HKDC1: variants seen among roughly 807,000 people sequenced by gnomAD.
HKDC1 encodes the protein hexokinase HKDC1.
HKDC1 carries 66 observed loss-of-function variants against 96.6 expected under a neutral mutation model. The observed-to-expected ratio is 0.68, with a 90% CI of 0.56 to 0.84. The LOEUF is 0.84. Ranked by LOEUF, HKDC1 falls within the 40% of genes least tolerant of loss-of-function variation. The pLI is 0.00. For synonymous variants in HKDC1, 466 were observed against 473.1 expected (o/e 0.98, Z 0.20); for missense variants, 1,211 against 1,208.1 (o/e 1.00, Z -0.04).
At chr10:69,228,280 T>C (rs7923953) in intron 2 of HKDC1, among the ~76,000 whole-genome samples, 48,459 of 152,024 alleles carry the variant, frequency 0.32, 8,028 homozygotes, top group African/African-American at 0.35. Context: ...TTCTGCCTCC[T>C]TTCAACATTT....
intron 16 of HKDC1, chr10:69,261,989 G>C (rs1434841023): frequency 2.9e-6 from 1 of 350,526 alleles, no homozygotes; most frequent in Non-Finnish European, 5.8e-6. Flanking sequence ...ATTAGATTCA[G>C]TAGTGAATTC....
intron 4 of HKDC1, 120 bp downstream of exon 4, chr10:69,233,253 T>C (rs1843302027): frequency 7.2e-7 from 1 of 1,398,266 alleles, no homozygotes; most frequent in African/African-American, 1.4e-5. Flanking sequence ...CTTTTTCTTT[T>C]CTTTTTGTTC....
intron 16 of HKDC1, among the ~76,000 whole-genome samples, chr10:69,262,572 G>C (rs1403793420): frequency 6.6e-6 from 1 of 151,970 alleles, no homozygotes; most frequent in Non-Finnish European, 1.5e-5. Context: ...TGGTCTTTAT[G>C]GTCAGATGCC....
intron 12 of HKDC1, among the ~76,000 whole-genome samples, chr10:69,256,076 T>C (rs1843713491): frequency 6.6e-6 from 1 of 152,202 alleles, no homozygotes; most frequent in African/African-American, 2.4e-5. Context: ...TTAACCCTTT[T>C]GGTGTATATA....
Position 69,240,724 on chromosome 10 carries a change from C to A in HKDC1, c.664C>A (p.Pro222Thr), listed in dbSNP as rs754086568. ...GTMMTCAYDDPYCEVGVIIGT... is the reference protein window; with the variant it reads ...GTMMTCAYDDTYCEVGVIIGT... Reference sequence around the variant, plus strand: ...CATGATGACCTGTGCCTATGACGACCCCTACTGCGAAGTTGGTGTCATCAT... The same window carrying A: ...CATGATGACCTGTGCCTATGACGACACCTACTGCGAAGTTGGTGTCATCAT... Residue 222 changes from proline (P) to threonine (T), a missense_variant, in exon 6 of 18, where the codon CCC (proline) becomes ACC (threonine). Coordinates refer to ENST00000354624, the MANE Select transcript of HKDC1 (RefSeq NM_025130.4). The A allele has an allele frequency of 1.9e-6, 3 of 1,613,954 alleles. No individual in the cohort carries two copies. The East Asian group carries it at 6.7e-5, about 36-fold the overall frequency.
chr10:69,248,766 A>G, intron 10 of HKDC1, 38 bp downstream of exon 10: 1 of 1,531,796 alleles, frequency 6.5e-7, no homozygotes, highest in Non-Finnish European at 8.8e-7. Context: ...ACAGCCATCC[A>G]GGGCTCCCGT....
chr10:69,261,085 T>C, intron 15 of HKDC1, 54 bp from the exon 16 acceptor site: 1 of 1,543,212 alleles, frequency 6.5e-7, no homozygotes, highest in South Asian at 1.1e-5. Flanking sequence ...TCTCACATCA[T>C]GTGGTCTTCT....
intron 8 of HKDC1, among the ~76,000 whole-genome samples, chr10:69,247,000 CT>C (rs1329842439): frequency 6.6e-6 from 1 of 152,238 alleles, no homozygotes; most frequent in African/African-American, 2.4e-5. Context: ...TAGAATCTAA[CT>C]GCTAAGTTCA....
intron 15 of HKDC1, 46 bp downstream of exon 15, chr10:69,259,005 A>G (rs777919454): frequency 2.9e-5 from 41 of 1,416,468 alleles, no homozygotes; most frequent in South Asian, 7.5e-5. Flanking sequence ...TGTAGTGAAC[A>G]ACACTACCAG....
At chr10:69,233,952 C>CACAG (rs1366421300) in intron 4 of HKDC1, among the ~76,000 whole-genome samples, 1 of 148,708 alleles carries the variant, frequency 6.7e-6, no homozygotes, top group African/African-American at 2.5e-5. Context: ...CTGGAGCAGA[C>CACAG]ACAGAGCCTG....
intron 17 of HKDC1, among the ~76,000 whole-genome samples, 159 bp from the exon 18 acceptor site, chr10:69,266,451 T>G (rs1843899735): frequency 8.7e-6 from 1 of 115,110 alleles, no homozygotes. Context: ...GGCAACAGAG[T>G]GAGACCATGT....
chr10:69,256,906 G>T, intron 12 of HKDC1, 130 bp from the exon 13 acceptor site: 1 of 689,460 alleles, frequency 1.5e-6, no homozygotes. Flanking sequence ...TTGTGGAGGT[G>T]GAGGCATAGT....
At position 69,261,162 on chromosome 10, in the gene HKDC1, T is replaced by G; in HGVS notation, c.2240T>G (p.Met747Arg). Residue 747 changes from methionine (M) to arginine (R), a missense_variant, in exon 16 of 18, where the codon ATG (methionine) becomes AGG (arginine). By Grantham distance (91) the Met-to-Arg change is moderately conservative. Coordinates refer to ENST00000354624, the MANE Select transcript of HKDC1 (RefSeq NM_025130.4). ...KQRYEKMTSG[M>R]YLGEIVRQIL... ...AGATACGAGAAAATGACCAGTGGGA[T>G]GTACTTGGGGGAGATTGTGCGGCAG... The G allele has an allele frequency of 1.2e-6, 2 of 1,613,748 alleles. No individual in the cohort carries two copies. The highest frequency in any genetic ancestry group is 1.7e-6 in the Non-Finnish European group (2 of 1,179,710).
chr10:69,253,006 G>GTA, intron 12 of HKDC1, among the ~76,000 whole-genome samples: 1 of 151,698 alleles, frequency 6.6e-6, no homozygotes, highest in Admixed American at 6.6e-5. Context: ...GTGTGTGTGT[G>GTA]TGTGTGTGTT....
In HKDC1 at chr10:69,246,293, G is replaced by A. The variant is rs551603670; in HGVS notation, c.1031+59G>A. 53 of 1,583,202 alleles carry A rather than the reference G, an allele frequency of 3.3e-5. No homozygotes were observed. The South Asian group carries it at 5.2e-4, about 16-fold the overall frequency. On this transcript the variant is annotated intron_variant, in intron 8 of 17. Transcript: ENST00000354624. ...GGCTGGGATGGGAGGCCCAGGTGTG[G>A]GGTGCTCCATGTGGTAGGACAGCAG...
chr10:69,227,306 A>C lies in HKDC1; in HGVS notation c.163A>C (p.Thr55Pro), dbSNP rs1440122474. The change falls in exon 2 of 18, where the codon ACC (threonine) becomes CCC (proline). Residue 55 changes from threonine (T) to proline (P), a missense_variant. Transcript: ENST00000354624. ...AEMEKGLAKD[T>P]NPTAAVKMLP... is the part of the protein sequence containing the mutation. ...GATGGAGAAGGGCCTGGCAAAGGACACCAACCCCACGGCTGCAGTGAAGAT... is the reference window on the plus strand; with the variant it reads ...GATGGAGAAGGGCCTGGCAAAGGACCCCAACCCCACGGCTGCAGTGAAGAT... 2 of 1,614,168 alleles carry C rather than the reference A, an allele frequency of 1.2e-6. No homozygotes were observed. The highest frequency in any genetic ancestry group is 2.2e-5 in the South Asian group (2 of 91,080).
At chr10:69,236,672 C>G (rs1041607993) in intron 4 of HKDC1, among the ~76,000 whole-genome samples, 1 of 150,904 alleles carries the variant, frequency 6.6e-6, no homozygotes, top group African/African-American at 2.4e-5. Context: ...CCCAGCTACT[C>G]GGGAGGCTGA....
In HKDC1 at chr10:69,267,256, A is replaced by C. The variant is rs1439032790; in HGVS notation, c.*499A>C. 2 of 318,894 alleles carry C rather than the reference A, an allele frequency of 6.3e-6. No homozygotes were observed. Among genetic ancestry groups the C allele is most frequent in the East Asian group, 1.7e-4 (2 of 11,532 alleles). The allele number at this position is 318,894 out of a possible 1,614,324, so 19.8% of individuals were successfully genotyped here. ...TCATCTAACTTGTCCTTAACTTGCC[A>C]TGTTGACTTCAAACCTATTAAGAGA... On this transcript the variant is annotated 3_prime_UTR_variant, in exon 18 of 18. Transcript: ENST00000354624.
intron 1 of HKDC1, among the ~76,000 whole-genome samples, chr10:69,221,374 C>G (rs1843060423): frequency 6.6e-6 from 1 of 151,972 alleles, no homozygotes; most frequent in Non-Finnish European, 1.5e-5. Flanking sequence ...TAAAGGTTGC[C>G]AAGGGTCAAC....
Sources: allele counts gnomAD v4.1 joint callset (sites outside exome capture counted in the v4.1 genomes callset), GRCh38; gene constraint gnomAD v4.1.1; transcripts MANE v1.5; gene names NCBI Gene and HGNC (gene_info 2026-07-23, HGNC 2026-07-21).